Variants in NHERF1 observed in about 807,000 individuals in gnomAD.
The protein encoded by NHERF1 is Na(+)/H(+) exchange regulatory cofactor NHE-RF1.
At chr17:74,767,206 C>T in the NHERF1 span, among the ~76,000 whole-genome samples, 77 of 152,166 alleles carry the variant, frequency 5.1e-4, no homozygotes, top group Non-Finnish European at 2.2e-4. Context: ...CTCTGCAGCC[C>T]GCCATCCTGG....
the NHERF1 span, among the ~76,000 whole-genome samples, chr17:74,753,614 C>T: frequency 2.0e-5 from 3 of 151,940 alleles, no homozygotes; most frequent in African/African-American, 7.3e-5. Context: ...CCTGGCCGGG[C>T]GCAGTGACTT....
chr17:74,752,752 C>T, the NHERF1 span, among the ~76,000 whole-genome samples: 5 of 152,316 alleles, frequency 3.3e-5, no homozygotes, highest in East Asian at 1.9e-4. Flanking sequence ...CCTCGGCCTC[C>T]GCCTCCTCTT....
At chr17:74,749,239 T>A in the NHERF1 span, 1 of 1,529,030 alleles carries the variant, frequency 6.5e-7, no homozygotes, top group Non-Finnish European at 8.7e-7. This position sits in a 1 kb window ranked among gnomAD's most constrained non-coding sequence, Gnocchi z 5.6. Context: ...TGCAGGGGGC[T>A]GGCAACGAAA....
chr17:74,764,062 C>G, the NHERF1 span, among the ~76,000 whole-genome samples: 2 of 152,214 alleles, frequency 1.3e-5, no homozygotes, highest in Non-Finnish European at 2.9e-5. The surrounding 1 kb of genome is among the most constrained non-coding windows in gnomAD (Gnocchi z 4.9). Context: ...ATCACCCTGC[C>G]AAGCCTGGCG....
the NHERF1 span, among the ~76,000 whole-genome samples, chr17:74,766,672 T>C: frequency 6.6e-6 from 1 of 152,026 alleles, no homozygotes; most frequent in South Asian, 2.1e-4. Flanking sequence ...TCCCAACACT[T>C]TGGGAGGCCA....
At chr17:74,757,304 TAGGA>T in the NHERF1 span, among the ~76,000 whole-genome samples, 1 of 151,788 alleles carries the variant, frequency 6.6e-6, no homozygotes, top group Non-Finnish European at 1.5e-5. Flanking sequence ...CACTGAGAAA[TAGGA>T]AGGAAGAGAT....
the NHERF1 span, among the ~76,000 whole-genome samples, chr17:74,755,557 A>AAC: frequency 6.6e-6 from 1 of 152,200 alleles, no homozygotes; most frequent in Non-Finnish European, 1.5e-5. Flanking sequence ...GTGGTGTGGG[A>AAC]ACACACAGAG....
At chr17:74,751,350 C>T in the NHERF1 span, among the ~76,000 whole-genome samples, 1 of 152,218 alleles carries the variant, frequency 6.6e-6, no homozygotes, top group Non-Finnish European at 1.5e-5. The surrounding 1 kb of genome is among the most constrained non-coding windows in gnomAD (Gnocchi z 4.3). Context: ...AAAACACACC[C>T]GTTTCCTACA....
the NHERF1 span, chr17:74,749,140 G>T: frequency 6.4e-7 from 1 of 1,560,300 alleles, no homozygotes. The surrounding 1 kb of genome is among the most constrained non-coding windows in gnomAD (Gnocchi z 5.6). Context: ...CGGACGAGCA[G>T]CTGCAGAAGC....
chr17:74,759,815 A>C, the NHERF1 span, among the ~76,000 whole-genome samples: 1 of 152,246 alleles, frequency 6.6e-6, no homozygotes, highest in Admixed American at 6.5e-5. Context: ...GAAGGAGGAC[A>C]GGTTCCAAGT....
chr17:74,757,627 C>T, the NHERF1 span, among the ~76,000 whole-genome samples: 3 of 151,976 alleles, frequency 2.0e-5, no homozygotes, highest in Admixed American at 6.5e-5. Flanking sequence ...TGTCTCCATC[C>T]TGGCTTCCTT....
chr17:74,768,950 T>C, the NHERF1 span: 12 of 451,890 alleles, frequency 2.7e-5, no homozygotes, highest in African/African-American at 6.0e-5. Context: ...ACCTGCACCA[T>C]GCCAGGATCA....
At chr17:74,763,339 G>A in the NHERF1 span, 53 of 1,603,486 alleles carry the variant, frequency 3.3e-5, no homozygotes, top group Middle Eastern at 1.7e-4. Context: ...GCCTGTGTCC[G>A]TAACGCCTCC....
chr17:74,758,822 T>C, the NHERF1 span, among the ~76,000 whole-genome samples: 1 of 152,190 alleles, frequency 6.6e-6, no homozygotes, highest in Non-Finnish European at 1.5e-5. This position sits in a 1 kb window ranked among gnomAD's most constrained non-coding sequence, Gnocchi z 4.3. Context: ...CTCGGCCAGG[T>C]ACCCCACACC....
the NHERF1 span, chr17:74,767,010 A>G: frequency 1.7e-5 from 27 of 1,599,592 alleles, no homozygotes; most frequent in Non-Finnish European, 2.3e-5. Context: ...TTGGATTTCA[A>G]TCCTTGGGGT....
At chr17:74,757,880 TG>T in the NHERF1 span, among the ~76,000 whole-genome samples, 1 of 152,182 alleles carries the variant, frequency 6.6e-6, no homozygotes, top group Non-Finnish European at 1.5e-5. Context: ...AGCCCTGGGC[TG>T]GGGGAGGGGC....
At chr17:74,768,416 G>A in the NHERF1 span, 1 of 1,593,976 alleles carries the variant, frequency 6.3e-7, no homozygotes, top group Non-Finnish European at 8.6e-7. Flanking sequence ...GAGGACCAGG[G>A]AGCCTAATGA....
At chr17:74,768,773 C>T in the NHERF1 span, 1 of 839,700 alleles carries the variant, frequency 1.2e-6, no homozygotes, top group East Asian at 2.6e-5. Flanking sequence ...CATCCCCTTT[C>T]TTGACAAATG....
chr17:74,749,266 C>T, the NHERF1 span: 1 of 1,529,188 alleles, frequency 6.5e-7, no homozygotes, highest in South Asian at 1.2e-5. This position sits in a 1 kb window ranked among gnomAD's most constrained non-coding sequence, Gnocchi z 5.6. Context: ...CTCGCGAGGC[C>T]GACAAGAGCC....
Sources: gnomAD v4.1 joint callset for allele counts (sites outside exome capture counted in the v4.1 genomes callset) on GRCh38, gnomAD v4.1.1 for gene constraint, Gnocchi (gnomAD v3.1) non-coding constraint, MANE v1.5 for transcripts, NCBI Gene and HGNC (gene_info 2026-07-23, HGNC 2026-07-21) for gene names.